KLF7: variants seen among roughly 807,000 people sequenced by gnomAD.
KLF7 encodes the protein KLF transcription factor 7.
In KLF7, 2 loss-of-function variants were observed where a neutral mutation model predicts 27.3. The ratio of observed to expected loss-of-function variants is 0.07; its 90% CI spans 0.03 to 0.23. The LOEUF is 0.23. Ranked by LOEUF, KLF7 falls within the 10% of genes least tolerant of loss-of-function variation. The pLI is 1.00. For missense variants in KLF7, 221 were observed against 394.1 expected (o/e 0.56, Z 3.72); for synonymous variants, 165 against 162.4 (o/e 1.02, Z -0.12).
At chr2:207,138,563 C>A (rs993385142) in intron 1 of KLF7, among the ~76,000 whole-genome samples, 1 of 152,200 alleles carries the variant, frequency 6.6e-6, no homozygotes, top group African/African-American at 2.4e-5. Context: ...TAGTCTAAGG[C>A]AGTATCCACA....
At chr2:207,107,597 AT>A (rs2076913104) in intron 2 of KLF7, among the ~76,000 whole-genome samples, 1 of 152,224 alleles carries the variant, frequency 6.6e-6, no homozygotes, top group South Asian at 2.1e-4. Flanking sequence ...TTCAAGCCGC[AT>A]CATTGCCTGG....
At chr2:207,119,137 G>C (rs2105969104) in intron 2 of KLF7, among the ~76,000 whole-genome samples, 1 of 152,280 alleles carries the variant, frequency 6.6e-6, no homozygotes, top group South Asian at 2.1e-4. Context: ...TCAGTCTATA[G>C]AGAGAGTCCT....
Position 207,158,453 on chromosome 2 carries a change from G to C in KLF7, c.102+7014C>G, listed in dbSNP as rs148373194. Among the ~76,000 whole-genome samples, 503 of 152,288 alleles carry C rather than the reference G, an allele frequency of 3.3e-3. 1 individual carries two copies. The highest frequency in any genetic ancestry group is 0.012 in the African/African-American group (482 of 41,554). ...AACTGGTACATGGGTTGCTGGTAAA[G>C]TTTCGGGCACTCTCTTTGTTGGTGA... On this transcript the variant is annotated intron_variant, in intron 1 of 3. Transcript: ENST00000309446.
At chr2:207,158,061 G>A (rs915730724) in intron 1 of KLF7, among the ~76,000 whole-genome samples, 8 of 152,176 alleles carry the variant, frequency 5.3e-5, no homozygotes, top group Non-Finnish European at 1.0e-4. Flanking sequence ...ATATCTGGAG[G>A]TGGAGATGTA....
At chr2:207,146,791 G>A (rs1362607283) in intron 1 of KLF7, among the ~76,000 whole-genome samples, 5 of 152,142 alleles carry the variant, frequency 3.3e-5, no homozygotes, top group African/African-American at 9.7e-5. Context: ...TCTCTCATCC[G>A]GCCTCTTTCC....
chr2:207,137,494 G>T (rs756839481), intron 1 of KLF7, among the ~76,000 whole-genome samples: 55 of 152,106 alleles, frequency 3.6e-4, no homozygotes, highest in Non-Finnish European at 7.2e-4. Context: ...TACATGAAAA[G>T]GTATCTCTAC....
intron 1 of KLF7, among the ~76,000 whole-genome samples, chr2:207,151,609 A>G (rs1221257584): frequency 6.6e-6 from 1 of 152,116 alleles, no homozygotes; most frequent in East Asian, 1.9e-4. Context: ...ATGACCACAT[A>G]ATGTCTGCCT....
chr2:207,167,199 C>T, upstream of KLF7: 1 of 1,380,156 alleles, frequency 7.2e-7, no homozygotes, highest in Non-Finnish European at 9.4e-7. Context: ...AACTCGATTT[C>T]TCGTTTTCTG....
intron 1 of KLF7, among the ~76,000 whole-genome samples, chr2:207,142,717 G>A (rs1182008058): frequency 1.3e-5 from 2 of 152,198 alleles, no homozygotes; most frequent in Non-Finnish European, 2.9e-5. Flanking sequence ...CACACAGTGT[G>A]AGCAAGGGTG....
intron 2 of KLF7, among the ~76,000 whole-genome samples, chr2:207,096,630 T>C (rs944157010): frequency 3.3e-5 from 5 of 152,044 alleles, no homozygotes; most frequent in African/African-American, 1.2e-4. Flanking sequence ...ACCAAAAGGC[T>C]CAAAGAAGCC....
chr2:207,148,965 A>G (rs374246462), intron 1 of KLF7: 6 of 1,077,332 alleles, frequency 5.6e-6, no homozygotes, highest in East Asian at 7.6e-5. Flanking sequence ...TTAATATATG[A>G]TATACCCAGT....
At chr2:207,150,539 A>G (rs1343519443) in intron 1 of KLF7, among the ~76,000 whole-genome samples, 2 of 152,258 alleles carry the variant, frequency 1.3e-5, no homozygotes, top group South Asian at 2.1e-4. Context: ...ACCGTACAGC[A>G]TGTAACAGTT....
chr2:207,134,700 C>T (rs1024758393), intron 1 of KLF7, among the ~76,000 whole-genome samples: 13 of 152,162 alleles, frequency 8.5e-5, no homozygotes, highest in Admixed American at 3.9e-4. Flanking sequence ...ACTGGCCATT[C>T]GCATACTGAG....
intron 1 of KLF7, among the ~76,000 whole-genome samples, chr2:207,144,249 C>T (rs1477870243): frequency 6.6e-6 from 1 of 151,828 alleles, no homozygotes; most frequent in African/African-American, 2.4e-5. Context: ...TCCAAAATGC[C>T]AGCAAGTGAA....
intron 1 of KLF7, among the ~76,000 whole-genome samples, chr2:207,164,197 C>T (rs1574605161): frequency 6.6e-6 from 1 of 152,352 alleles, no homozygotes; most frequent in South Asian, 2.1e-4. Flanking sequence ...ACATCTCAGC[C>T]TCAAGCTGGC....
In KLF7 at chr2:207,165,532, G is replaced by C; in HGVS notation, c.37C>G (p.Leu13Val). The change falls in exon 1 of 4, where the codon CTA becomes GTA. Residue 13 changes from leucine (L) to valine (V), a missense_variant. This residue lies in a region of KLF7 where 11 missense variants were observed against 50.8 expected (regional missense o/e 0.22). Transcript: ENST00000309446. ...VLASYSIFQELQLVHDTGYFS... is the reference protein window; with the variant it reads ...VLASYSIFQEVQLVHDTGYFS... ...TAGCCGGTGTCGTGGACAAGTTGTA[G>C]CTCCTGGAATATACTATAACTAGCC... The C allele has an allele frequency of 6.2e-7, 1 of 1,614,072 alleles. No homozygotes were observed. The highest frequency in any genetic ancestry group is 8.5e-7 in the Non-Finnish European group (1 of 1,180,002).
At chr2:207,148,008 C>T (rs747740557) in intron 1 of KLF7, among the ~76,000 whole-genome samples, 14 of 152,160 alleles carry the variant, frequency 9.2e-5, no homozygotes, top group African/African-American at 9.6e-5. Flanking sequence ...AGCTTCTACC[C>T]GCTTTTTAAA....
intron 1 of KLF7, among the ~76,000 whole-genome samples, chr2:207,126,687 C>T (rs1255868705): frequency 4.6e-5 from 7 of 152,080 alleles, no homozygotes; most frequent in African/African-American, 7.2e-5. Flanking sequence ...CCTGTTATCC[C>T]AGCTACTCTG....
At chr2:207,160,184 G>A (rs1414393210) in intron 1 of KLF7, among the ~76,000 whole-genome samples, 1 of 152,166 alleles carries the variant, frequency 6.6e-6, no homozygotes, top group Non-Finnish European at 1.5e-5. Flanking sequence ...TCTAATCACT[G>A]TACTTGGTAA....
Sources: gnomAD v4.1 joint callset for allele counts (sites outside exome capture counted in the v4.1 genomes callset) on GRCh38, gnomAD v4.1.1 for gene constraint, gnomAD v4.1.1 regional missense constraint, MANE v1.5 for transcripts, NCBI Gene and HGNC (gene_info 2026-07-23, HGNC 2026-07-21) for gene names.